MTCL1: variants seen among roughly 807,000 people sequenced by gnomAD.
The protein encoded by MTCL1 is microtubule crosslinking factor 1, also known as microtubule cross-linking factor 1.
In MTCL1, 79 loss-of-function variants were observed where a neutral mutation model predicts 141.4. That is an observed-to-expected ratio of 0.56 (90% confidence interval 0.47 to 0.67). The LOEUF is 0.67. MTCL1 is among the 30% of genes least tolerant of loss of function. The pLI, the probability that MTCL1 is intolerant of heterozygous loss-of-function variation, is 0.00. For missense variants in MTCL1, 2,177 were observed against 2,113.9 expected (o/e 1.03, Z -0.59); for synonymous variants, 914 against 875.8 (o/e 1.04, Z -0.77).
intron 4 of MTCL1, among the ~76,000 whole-genome samples, chr18:8,739,998 TG>T (rs1222781071): frequency 6.6e-5 from 10 of 152,262 alleles, no homozygotes; most frequent in Admixed American, 6.5e-4. Context: ...CCCAAAGTGC[TG>T]GGATTACAGG....
At chr18:8,767,366 A>G (rs181590670) in intron 4 of MTCL1, among the ~76,000 whole-genome samples, 1 of 152,174 alleles carries the variant, frequency 6.6e-6, no homozygotes, top group Admixed American at 6.5e-5. Flanking sequence ...GATAGCAAGG[A>G]TCCTAGGCAG....
At position 8,830,389 on chromosome 18, in the gene MTCL1, A is replaced by G; in HGVS notation, c.*19-1218A>G. ...TTCCTTTTCTGCTGACCCCAGAGGG[A>G]GGCAGGGAAACCGCTCGCCCCATTG... is the stretch of plus-strand genomic sequence containing the variant. On this transcript the variant is annotated intron_variant, in intron 16 of 16. Coordinates refer to ENST00000359865, the Ensembl canonical transcript of MTCL1. The surrounding 1 kb of genome is among the most constrained non-coding windows in gnomAD (Gnocchi z 6.4). The G allele has an allele frequency of 2.0e-6, 2 of 985,562 alleles. No homozygotes were observed. The highest frequency in any genetic ancestry group is 2.4e-6 in the Non-Finnish European group (2 of 830,032). 61.1% of individuals were successfully genotyped at this position (985,562 alleles called of 1,614,324 possible).
chr18:8,720,965 TTAAAGCTGTGTAAACAGACAATG>T (rs952089880), intron 4 of MTCL1, among the ~76,000 whole-genome samples: 1 of 152,182 alleles, frequency 6.6e-6, no homozygotes, highest in Non-Finnish European at 1.5e-5. Flanking sequence ...TGGTTGTCTG[TTAAAGCTGTGTAAACAGACAATG>T]TATGTAACAC....
intron 4 of MTCL1, among the ~76,000 whole-genome samples, chr18:8,775,867 A>C (rs1291774381): frequency 2.0e-5 from 3 of 151,990 alleles, no homozygotes; most frequent in Non-Finnish European, 2.9e-5. Context: ...GCCTTCTCTC[A>C]GTTATCTATT....
intron 12 of MTCL1, among the ~76,000 whole-genome samples, chr18:8,816,056 G>T (rs3902213): frequency 0.65 from 98,677 of 152,056 alleles, 32,349 homozygotes; most frequent in Non-Finnish European, 0.68. Flanking sequence ...TGCCCCATCC[G>T]GAAATTGAGG....
chr18:8,768,949 G>A (rs1017111796), intron 4 of MTCL1, among the ~76,000 whole-genome samples: 3 of 151,984 alleles, frequency 2.0e-5, no homozygotes, highest in South Asian at 2.1e-4. Context: ...GCATCAGCAC[G>A]TGGGCCCAGC....
chr18:8,831,997 T>G, exon 17 of MTCL1: 1 of 678,534 alleles, frequency 1.5e-6, no homozygotes, highest in Non-Finnish European at 2.4e-6. Context: ...AATGTGCCTG[T>G]AATAACTTAA....
intron 4 of MTCL1, among the ~76,000 whole-genome samples, chr18:8,724,487 G>A (rs754236506): frequency 4.6e-5 from 7 of 152,156 alleles, no homozygotes; most frequent in Non-Finnish European, 8.8e-5. Context: ...CACCTCAGAC[G>A]AGTATTTGAG....
At chr18:8,734,052 G>A (rs1294525863) in intron 4 of MTCL1, among the ~76,000 whole-genome samples, 1 of 152,144 alleles carries the variant, frequency 6.6e-6, no homozygotes, top group Non-Finnish European at 1.5e-5. Context: ...CATTACAGGT[G>A]AGGGTTGCTA....
intron 4 of MTCL1, among the ~76,000 whole-genome samples, chr18:8,730,307 C>T (rs919837883): frequency 6.6e-6 from 1 of 152,260 alleles, no homozygotes. Flanking sequence ...TTTGGTATGT[C>T]TGTGTCTCTC....
At chr18:8,767,360 G>A (rs514827) in intron 4 of MTCL1, among the ~76,000 whole-genome samples, 116,193 of 152,158 alleles carry the variant, frequency 0.76, 44,970 homozygotes, top group East Asian at 1. Context: ...GCTCCAGATA[G>A]CAAGGATCCT....
chr18:8,760,298 C>G (rs1203683613), intron 4 of MTCL1, among the ~76,000 whole-genome samples: 2 of 152,212 alleles, frequency 1.3e-5, no homozygotes, highest in Admixed American at 6.5e-5. Context: ...GTTACTTCTT[C>G]TGAGCCTGTT....
At chr18:8,768,164 A>G (rs1187882562) in intron 4 of MTCL1, among the ~76,000 whole-genome samples, 1 of 152,246 alleles carries the variant, frequency 6.6e-6, no homozygotes, top group Non-Finnish European at 1.5e-5. Context: ...CACCATTCAC[A>G]CTGTATGTTA....
chr18:8,713,049 T>C (rs2096104039), upstream of MTCL1, among the ~76,000 whole-genome samples: 1 of 152,200 alleles, frequency 6.6e-6, no homozygotes, highest in South Asian at 2.1e-4. Flanking sequence ...GATAAAACTA[T>C]CCTTTTAGAG....
chr18:8,815,349 A>G (rs1442170134), intron 12 of MTCL1, among the ~76,000 whole-genome samples: 1 of 152,072 alleles, frequency 6.6e-6, no homozygotes, highest in Non-Finnish European at 1.5e-5. Context: ...GGAAATCATC[A>G]TTCTCAGTAC....
rs138220149 is a variant in MTCL1 at position 8,786,055 on chromosome 18, C to T, written c.1851C>T (p.Ser617=). Residue 617 remains serine, a synonymous_variant, in exon 7 of 17, where the codon AGC becomes AGT. Coordinates refer to ENST00000359865, the Ensembl canonical transcript of MTCL1. The stretch of plus-strand genomic sequence containing the variant: ...GCCGCGCAGACGGGGACACCGGGAG[C>T]CACGGGCTGGGAGGCCAGACCTGCT... 5.6e-4 allele frequency: 891 copies of T among 1,595,648 alleles called. 6 individuals carry two copies. The African/African-American group carries it at 0.011, about 19-fold the overall frequency.
chr18:8,813,307 C>A (rs2144245848), intron 12 of MTCL1, 74 bp downstream of exon 11: 1 of 1,502,198 alleles, frequency 6.7e-7, no homozygotes. Flanking sequence ...AAAGCAAAAG[C>A]ACTAGGCTGC....
At chr18:8,831,487 G>T in intron 16 of MTCL1, 120 bp from the exon 15 acceptor site, 5 of 1,448,532 alleles carry the variant, frequency 3.5e-6, no homozygotes, top group Non-Finnish European at 3.6e-6. Flanking sequence ...TAATATTCAC[G>T]AGTTGCCTGT....
chr18:8,791,019 A>C (rs906608736), intron 7 of MTCL1, among the ~76,000 whole-genome samples: 19 of 152,152 alleles, frequency 1.2e-4, no homozygotes, highest in African/African-American at 4.6e-4. Context: ...TGTCTCAAAA[A>C]ACAAGCAAAC....
Sources: allele counts gnomAD v4.1 joint callset (sites outside exome capture counted in the v4.1 genomes callset), GRCh38; gene constraint gnomAD v4.1.1; non-coding constraint Gnocchi (gnomAD v3.1); transcripts MANE v1.5; gene names NCBI Gene and HGNC (gene_info 2026-07-23, HGNC 2026-07-21).